Variants in PPM1K observed in about 807,000 individuals in gnomAD.
PPM1K encodes protein phosphatase Mn(2+)-dependent 1K.
In PPM1K, 19 loss-of-function variants were observed where a neutral mutation model predicts 32.6. The ratio of observed to expected loss-of-function variants is 0.58; its 90% confidence interval spans 0.41 to 0.86. The LOEUF (loss-of-function observed/expected upper bound fraction) is 0.86. PPM1K is among the 40% of genes least tolerant of loss of function. PPM1K has a pLI of 0.00. For missense variants in PPM1K, 362 were observed against 461.2 expected, an observed-to-expected ratio of 0.78 and a Z score of 1.97; for synonymous variants, 159 against 165.3, an observed-to-expected ratio of 0.96 and a Z score of 0.29.
intron 1 of PPM1K, among the ~76,000 whole-genome samples, chr4:88,280,999 C>T (rs1339439833): frequency 1.3e-5 from 2 of 152,026 alleles, no homozygotes; most frequent in African/African-American, 2.4e-5. Context: ...AATTTAAAAA[C>T]CCAATTATGT....
At position 88,278,318 on chromosome 4, in the gene PPM1K, T is replaced by A; in HGVS notation, c.266A>T (p.Lys89Ile). 3 of 1,614,178 alleles carry A rather than the reference T, an allele frequency of 1.9e-6. No homozygotes were observed. The highest frequency in any genetic ancestry group is 2.5e-6 in the Non-Finnish European group (3 of 1,180,036). ...PSIKYGKPIP[K>I]ISLENVGCAS... ...GCACCCCACATTTTCCAAGCTGATT[T>A]TGGGAATTGGCTTGCCATACTTAAT... is the stretch of plus-strand genomic sequence containing the variant. The change falls in exon 2 of 7, where the codon AAA becomes ATA. Residue 89 changes from lysine (K) to isoleucine (I), a missense_variant. Physicochemically the swap from Lys to Ile is moderately radical, Grantham distance 102 (BLOSUM62 -3). Transcript: ENST00000608933. This position sits in a 1 kb window ranked among gnomAD's most constrained non-coding sequence, Gnocchi z 4.2.
At chr4:88,280,186 C>G (rs1319132141) in intron 1 of PPM1K, among the ~76,000 whole-genome samples, 1 of 152,102 alleles carries the variant, frequency 6.6e-6, no homozygotes. Context: ...AGTGATCCTC[C>G]CACCTCAGCC....
In PPM1K at chr4:88,259,816, G is replaced by C. The variant is rs1731053560; in HGVS notation, c.*2779C>G. On this transcript the variant is annotated 3_prime_UTR_variant, in exon 7 of 7. Coordinates refer to ENST00000608933, the MANE Select transcript of PPM1K (RefSeq NM_152542.5). ...ATCCCCATCCTATAAATTCCTCTTT[G>C]TCGAACCTGGCAATCTCAGTGAGCT... 6.6e-6 allele frequency: 1 copy of C among 152,068 alleles called. No homozygotes were observed. The highest frequency in any genetic ancestry group is 2.4e-5 in the African/African-American group (1 of 41,388). The allele number at this position is 152,068 out of a possible 1,614,324, so 9.4% of individuals were successfully genotyped here. A position where few individuals can be genotyped will look rare whatever the true frequency, so the allele number is the denominator to read the frequency against.
At chr4:88,283,796 G>A (rs1732116332) in intron 1 of PPM1K, 1 of 152,364 alleles carries the variant, frequency 6.6e-6, no homozygotes, top group Admixed American at 6.5e-5. Flanking sequence ...TCAGGATCCT[G>A]GCCTCGGCTC....
intron 6 of PPM1K, among the ~76,000 whole-genome samples, chr4:88,263,192 G>C (rs961646992): frequency 6.6e-6 from 1 of 152,064 alleles, no homozygotes; most frequent in Non-Finnish European, 1.5e-5. Context: ...AGCCATAATC[G>C]TAAGAGAAAT....
chr4:88,263,244 A>G (rs115115198), intron 6 of PPM1K, among the ~76,000 whole-genome samples: 2,740 of 152,308 alleles, frequency 0.018, 36 homozygotes, highest in East Asian at 0.033. Context: ...AACTCCACCA[A>G]CAAAGAAAAA....
chr4:88,258,773 C>T lies in PPM1K; in HGVS notation c.*3822G>A. ...CATCCCCCCAGAAAAATGCTTATAACTTTGAAACACTTAAGACATACAAAG... is the reference window on the plus strand; with the variant it reads ...CATCCCCCCAGAAAAATGCTTATAATTTTGAAACACTTAAGACATACAAAG... On this transcript the variant is annotated 3_prime_UTR_variant, in exon 7 of 7. Transcript: ENST00000608933. The T allele has an allele frequency of 6.6e-6, 1 of 151,966 alleles. No individual in the cohort carries two copies. Among genetic ancestry groups the T allele is most frequent in the East Asian group, 1.9e-4 (1 of 5,146 alleles). The allele number at this position is 151,966 out of a possible 1,614,324, so 9.4% of individuals were successfully genotyped here.
chr4:88,278,082 G>A lies in PPM1K; in HGVS notation c.440+62C>T, dbSNP rs1731853240. 1 of 1,421,788 alleles carries A rather than the reference G, an allele frequency of 7.0e-7. No individual in the cohort carries two copies. The highest frequency in any genetic ancestry group is 1.4e-5 in the African/African-American group (1 of 70,982). 88.1% of individuals were successfully genotyped at this position (1,421,788 alleles called of 1,614,324 possible). A position where few individuals can be genotyped will look rare whatever the true frequency, so the allele number is the denominator to read the frequency against. ...TTACGCTGGAAGCCTCAGCCAAAGGGTGAAAGTTTAAGTAGGAAGTATAGG... is the reference window on the plus strand; with the variant it reads ...TTACGCTGGAAGCCTCAGCCAAAGGATGAAAGTTTAAGTAGGAAGTATAGG... On this transcript the variant is annotated intron_variant, in intron 2 of 6. Coordinates refer to ENST00000608933, the MANE Select transcript of PPM1K (RefSeq NM_152542.5). The surrounding 1 kb of genome is among the most constrained non-coding windows in gnomAD (Gnocchi z 4.2).
chr4:88,262,499 T>G lies in PPM1K; in HGVS notation c.*96A>C. On this transcript the variant is annotated 3_prime_UTR_variant, in exon 7 of 7. Transcript: ENST00000608933. ...AAGTGGTTTACACTGACTTGTGCGC[T>G]GATCTAGTGAGTTAGGAGACCTTTT... 2 of 1,380,918 alleles carry G rather than the reference T, an allele frequency of 1.4e-6. No homozygotes were observed. The highest frequency in any genetic ancestry group is 2.0e-6 in the Non-Finnish European group (2 of 1,010,342). 85.5% of individuals were successfully genotyped at this position (1,380,918 alleles called of 1,614,324 possible).
intron 3 of PPM1K, chr4:88,275,954 ATGATCTACAAACTGGAAAACATATCCC>A: frequency 1.0e-6 from 1 of 985,430 alleles, no homozygotes; most frequent in Non-Finnish European, 1.2e-6. Flanking sequence ...ATGGGCCTAA[ATGATCTACAAACTGGAAAACATATCCC>A]TGAAGAGAGT....
chr4:88,271,304 G>C, intron 3 of PPM1K: 1 of 217,238 alleles, frequency 4.6e-6, no homozygotes, highest in Non-Finnish European at 9.5e-6. Flanking sequence ...AATAAGGGAA[G>C]GGTTTTTTAT....
intron 1 of PPM1K, among the ~76,000 whole-genome samples, chr4:88,281,583 T>C (rs1732008742): frequency 6.6e-6 from 1 of 152,192 alleles, no homozygotes; most frequent in Non-Finnish European, 1.5e-5. Context: ...GGAAACCACC[T>C]ACTTTAAGGC....
At chr4:88,277,833 C>T in intron 2 of PPM1K, 1 of 415,188 alleles carries the variant, frequency 2.4e-6, no homozygotes, top group Non-Finnish European at 4.4e-6. Context: ...ATCTGTCCTA[C>T]ACTGATGGGA....
In PPM1K at chr4:88,261,986, G is replaced by A. The variant is rs556345893; in HGVS notation, c.*609C>T. On this transcript the variant is annotated 3_prime_UTR_variant, in exon 7 of 7. Coordinates refer to ENST00000608933, the MANE Select transcript of PPM1K (RefSeq NM_152542.5). ...TCTACCCACCTTGGCCTCTCAAAGT[G>A]CTGGGATTACAGGCATGAGCCACTG... The A allele has an allele frequency of 1.3e-5, 2 of 148,626 alleles. No homozygotes were observed. The highest frequency in any genetic ancestry group is 3.0e-5 in the Non-Finnish European group (2 of 67,784). 9.2% of individuals were successfully genotyped at this position (148,626 alleles called of 1,614,324 possible).
chr4:88,268,463 A>T (rs983679739), intron 4 of PPM1K, 129 bp from the exon 5 acceptor site: 4 of 1,102,286 alleles, frequency 3.6e-6, no homozygotes, highest in South Asian at 2.8e-5. Context: ...TCTACTAAAA[A>T]ACAAAAAATT....
At chr4:88,271,305 G>T in intron 3 of PPM1K, 3 of 211,084 alleles carry the variant, frequency 1.4e-5, no homozygotes, top group Non-Finnish European at 3.0e-5. Context: ...ATAAGGGAAG[G>T]GTTTTTTATT....
At chr4:88,270,050 T>TA (rs755919829) in intron 3 of PPM1K, among the ~76,000 whole-genome samples, 61 of 152,354 alleles carry the variant, frequency 4.0e-4, no homozygotes, top group Non-Finnish European at 6.9e-4. Context: ...GTTAACTCTT[T>TA]AAAACATTCC....
intron 6 of PPM1K, 96 bp from the exon 7 acceptor site, chr4:88,262,822 C>G: frequency 7.2e-7 from 1 of 1,389,956 alleles, no homozygotes; most frequent in South Asian, 1.6e-5. Flanking sequence ...TACGCTTCCC[C>G]TAGAAAGCCA....
chr4:88,266,340 G>A (rs888297789), intron 5 of PPM1K, among the ~76,000 whole-genome samples: 3 of 152,198 alleles, frequency 2.0e-5, no homozygotes, highest in African/African-American at 7.2e-5. Context: ...TATTTGGCTT[G>A]GTGGAAAAGG....
Sources: allele counts gnomAD v4.1 joint callset (sites outside exome capture counted in the v4.1 genomes callset), GRCh38; gene constraint gnomAD v4.1.1; non-coding constraint Gnocchi (gnomAD v3.1); transcripts MANE v1.5; gene names NCBI Gene and HGNC (gene_info 2026-07-23, HGNC 2026-07-21).